LRRC56: variants seen among roughly 807,000 people sequenced by gnomAD.
The protein encoded by LRRC56 is leucine-rich repeat-containing protein 56.
A neutral mutation model predicts 47.8 loss-of-function variants in LRRC56; 41 were observed. The observed-to-expected ratio is 0.86, with a 90% confidence interval of 0.67 to 1.11. The LOEUF is 1.11. Among genes scored for constraint, LRRC56 ranks in the 50% most tolerant of loss-of-function variants. LRRC56 has a pLI of 0.00. For synonymous variants in LRRC56, 387 were observed against 311.2 expected, an observed-to-expected ratio of 1.24 and a Z score of -2.56; for missense variants, 759 against 704.2, an observed-to-expected ratio of 1.08 and a Z score of -0.88.
chr11:550,340 G>A, intron 8 of LRRC56, 68 bp downstream of exon 8: 1 of 1,432,162 alleles, frequency 7.0e-7, no homozygotes, highest in Non-Finnish European at 9.2e-7. Context: ...TCCAGCCCCG[G>A]GGCCCCTCCT....
At chr11:511,322 A>G in the LRRC56 span, among the ~76,000 whole-genome samples, 1 of 140,782 alleles carries the variant, frequency 7.1e-6, no homozygotes. Flanking sequence ...CTCCGTCTCA[A>G]AAAAAAAAAA....
At chr11:523,367 T>A in the LRRC56 span, among the ~76,000 whole-genome samples, 1 of 148,574 alleles carries the variant, frequency 6.7e-6, no homozygotes, top group Admixed American at 6.7e-5. Context: ...GCGTGGTGGC[T>A]CATGCCTGTA....
At chr11:534,456 G>A, upstream of LRRC56, 3 of 699,466 alleles carry the variant, frequency 4.3e-6, no homozygotes, top group Non-Finnish European at 7.3e-6. Context: ...GCCATCTGAA[G>A]GGCAAACCCA....
chr11:531,503 C>T, the LRRC56 span, among the ~76,000 whole-genome samples: 1 of 152,198 alleles, frequency 6.6e-6, no homozygotes, highest in Middle Eastern at 3.2e-3. Context: ...GAGTGGGTGG[C>T]AGAGCCTGTG....
the LRRC56 span, among the ~76,000 whole-genome samples, chr11:508,278 G>A: frequency 2.0e-5 from 3 of 152,198 alleles, no homozygotes; most frequent in South Asian, 2.1e-4. Context: ...TGATCCTCCC[G>A]CCTCAGCCTC....
At chr11:536,385 A>G (rs914971469), upstream of LRRC56, among the ~76,000 whole-genome samples, 6 of 152,396 alleles carry the variant, frequency 3.9e-5, no homozygotes, top group African/African-American at 1.4e-4. Flanking sequence ...CCCCAAGCAC[A>G]TAGACGCACA....
intron 3 of LRRC56, among the ~76,000 whole-genome samples, chr11:540,005 C>T (rs36002993): frequency 0.1 from 15,276 of 152,280 alleles, 1,011 homozygotes; most frequent in Admixed American, 0.19. Flanking sequence ...GGCTGATCTG[C>T]TCACCTCTAG....
chr11:542,645 C>T (rs66707206), intron 5 of LRRC56, among the ~76,000 whole-genome samples: 15,446 of 149,956 alleles, frequency 0.1, 924 homozygotes, highest in South Asian at 0.18. Context: ...TCTCTTTCGC[C>T]GTGTTCACGG....
chr11:520,525 G>A, the LRRC56 span, among the ~76,000 whole-genome samples: 1 of 152,048 alleles, frequency 6.6e-6, no homozygotes, highest in Admixed American at 6.6e-5. Flanking sequence ...CATCATGTTG[G>A]CCAGGCTGGT....
rs573363995 is a variant in LRRC56 at position 553,920 on chromosome 11, C to T, written c.1316-43C>T. 3.2e-5 allele frequency: 50 copies of T among 1,581,452 alleles called. No individual in the cohort carries two copies. The South Asian group carries it at 5.2e-4, about 16-fold the overall frequency. ...CCTCCCCACCGGGTGACTCCCTTCC[C>T]TGACAGCCTTTCTGACGTCCCATCA... On this transcript the variant is annotated intron_variant, in intron 13 of 13. Transcript: ENST00000270115.
At position 540,840 on chromosome 11, in the gene LRRC56, G is replaced by A. The variant is rs1222347535; in HGVS notation, c.156G>A (p.Glu52=). The A allele has an allele frequency of 1.3e-6, 2 of 1,575,566 alleles. No homozygotes were observed. Among genetic ancestry groups the A allele is most frequent in the African/African-American group, 1.3e-5 (1 of 74,348 alleles). The change falls in exon 4 of 14, where the codon GAG becomes GAA. Residue 52 remains glutamate (E), a synonymous_variant. Transcript: ENST00000270115. ...RDRLGEQLVE[E]YLSPARLQAL... ...GACTTGGAGAGCAGCTGGTGGAAGA[G>A]TACCTGTCCCCTGCCCGGCTGGTGA...
At chr11:507,020 C>A in the LRRC56 span, 68 of 152,378 alleles carry the variant, frequency 4.5e-4, no homozygotes, top group African/African-American at 1.6e-3. Flanking sequence ...GCAACGGCCT[C>A]AATAGCGCCA....
chr11:518,902 C>CGGG, the LRRC56 span, among the ~76,000 whole-genome samples: 12,413 of 150,426 alleles, frequency 0.083, 778 homozygotes, highest in African/African-American at 0.17. Context: ...GGGACCGGGG[C>CGGG]GGGGGGGCGT....
chr11:528,649 C>CCGCCAG, the LRRC56 span: 3 of 152,218 alleles, frequency 2.0e-5, no homozygotes, highest in Non-Finnish European at 4.4e-5. Context: ...CGCGGGTGCT[C>CCGCCAG]TGACGATCGT....
At chr11:511,852 C>T in the LRRC56 span, among the ~76,000 whole-genome samples, 1 of 152,162 alleles carries the variant, frequency 6.6e-6, no homozygotes, top group Non-Finnish European at 1.5e-5. Context: ...ACACCAGCCA[C>T]CCCCCACACA....
At chr11:530,886 G>C in the LRRC56 span, among the ~76,000 whole-genome samples, 9 of 50,862 alleles carry the variant, frequency 1.8e-4, no homozygotes, top group Admixed American at 7.3e-4. Context: ...GTCCCCTGGA[G>C]AGAAGGGGGA....
rs1852314582 is a variant in LRRC56, at chr11:550,243, C to T, written c.595C>T (p.Leu199=). Residue 199 remains leucine (L), a synonymous_variant, in exon 8 of 14, where the codon CTA becomes TTA. Transcript: ENST00000270115. ...MLTLEGNLVC[L]QPAPGPTNKV... ...CACCCTGGAGGGCAACCTGGTGTGC[C>T]TACAGCCGGCCCCTGGCCCCACCAA... The T allele has an allele frequency of 6.2e-7, 1 of 1,607,766 alleles. No homozygotes were observed. The highest frequency in any genetic ancestry group is 1.1e-5 in the South Asian group (1 of 90,564).
chr11:517,323 G>A, the LRRC56 span, among the ~76,000 whole-genome samples: 1 of 151,860 alleles, frequency 6.6e-6, no homozygotes, highest in Non-Finnish European at 1.5e-5. Context: ...TCTGGGAGGT[G>A]AGGAGCGCCT....
chr11:528,663 G>A, the LRRC56 span: 2 of 152,200 alleles, frequency 1.3e-5, no homozygotes, highest in South Asian at 2.1e-4. Context: ...CGATCGTCTC[G>A]AGCCACGGGG....
Sources: gnomAD v4.1 joint callset for allele counts (sites outside exome capture counted in the v4.1 genomes callset) on GRCh38, gnomAD v4.1.1 for gene constraint, MANE v1.5 for transcripts, NCBI Gene and HGNC (gene_info 2026-07-23, HGNC 2026-07-21) for gene names.